The following XPO6 variants were observed in gnomAD, a reference collection of about 807,000 sequenced individuals.
XPO6 encodes exportin 6.
A neutral mutation model predicts 130.0 loss-of-function variants in XPO6; 3 were observed. The ratio of observed to expected loss-of-function variants is 0.02; its 90% CI spans 0.01 to 0.06. The LOEUF (loss-of-function observed/expected upper bound fraction) is 0.06. XPO6 is among the 10% of genes least tolerant of loss of function. The probability of loss-of-function intolerance (pLI) is 1.00; values close to 1 mark genes in which losing one functional copy is unlikely to be tolerated. For synonymous variants in XPO6, 524 were observed against 548.9 expected (o/e 0.95, Z 0.63); for missense variants, 970 against 1,393.0 (o/e 0.70, Z 4.83).
At chr16:28,198,361 G>A (rs2043901597) in intron 1 of XPO6, among the ~76,000 whole-genome samples, 1 of 151,816 alleles carries the variant, frequency 6.6e-6, no homozygotes, top group African/African-American at 2.4e-5. Context: ...ATATTCTAGA[G>A]TTCAAAATAC....
chr16:28,203,542 C>G (rs185950060), intron 1 of XPO6, among the ~76,000 whole-genome samples: 1 of 152,198 alleles, frequency 6.6e-6, no homozygotes, highest in African/African-American at 2.4e-5. Context: ...CACCTACCTA[C>G]AGAGATAGCC....
At chr16:28,102,583 C>A (rs2086676579) in intron 21 of XPO6, among the ~76,000 whole-genome samples, 1 of 151,992 alleles carries the variant, frequency 6.6e-6, no homozygotes, top group South Asian at 2.1e-4. Flanking sequence ...ACTAAAAATA[C>A]AAAAATTAGC....
chr16:28,165,762 A>C (rs1299373363), intron 6 of XPO6, among the ~76,000 whole-genome samples: 1 of 152,338 alleles, frequency 6.6e-6, no homozygotes, highest in South Asian at 2.1e-4. Flanking sequence ...AGAGGAAGCT[A>C]TATGTGTCAA....
chr16:28,146,305 T>C, intron 8 of XPO6, 102 bp from the exon 9 acceptor site: 4 of 939,280 alleles, frequency 4.3e-6, no homozygotes, highest in Non-Finnish European at 6.5e-6. Flanking sequence ...GATGAAATCA[T>C]AAGCCTAGAT....
rs928711754 is a variant in XPO6 at position 28,132,460 on chromosome 16, T to C, written c.1537-57A>G. 8.2e-7 allele frequency: 1 copy of C among 1,224,180 alleles called. No individual in the cohort carries two copies. Among genetic ancestry groups the C allele is most frequent in the African/African-American group, 1.5e-5 (1 of 65,474 alleles). 75.8% of individuals were successfully genotyped at this position (1,224,180 alleles called of 1,614,324 possible). A position where few individuals can be genotyped will look rare whatever the true frequency, so the allele number is the denominator to read the frequency against. Reference sequence around the variant, plus strand: ...TTTAAGCCATAAATGCAAGTTTTAATAGCATTTTAACATTACAACATTAAC... The same window carrying C: ...TTTAAGCCATAAATGCAAGTTTTAACAGCATTTTAACATTACAACATTAAC... On this transcript the variant is annotated intron_variant, in intron 11 of 23. Coordinates refer to ENST00000304658, the MANE Select transcript of XPO6 (RefSeq NM_015171.4). This position sits in a 1 kb window ranked among gnomAD's most constrained non-coding sequence, Gnocchi z 4.0.
chr16:28,139,618 T>G (rs538223222), intron 9 of XPO6, among the ~76,000 whole-genome samples: 2 of 152,150 alleles, frequency 1.3e-5, no homozygotes, highest in Non-Finnish European at 2.9e-5. Context: ...AAAACCTCAA[T>G]ATAAAGAAGA....
At chr16:28,146,490 G>A (rs1412505217) in intron 8 of XPO6, among the ~76,000 whole-genome samples, 1 of 152,176 alleles carries the variant, frequency 6.6e-6, no homozygotes, top group Non-Finnish European at 1.5e-5. Context: ...TCTGAGACTG[G>A]TAGAGAGGGC....
chr16:28,191,395 T>C (rs1284055525), intron 1 of XPO6, among the ~76,000 whole-genome samples: 3 of 152,226 alleles, frequency 2.0e-5, no homozygotes, highest in Non-Finnish European at 2.9e-5. Flanking sequence ...CTGCTTCCCT[T>C]TCCCAGGTAC....
At chr16:28,138,376 CTA>C (rs1162122451) in intron 9 of XPO6, among the ~76,000 whole-genome samples, 1 of 152,092 alleles carries the variant, frequency 6.6e-6, no homozygotes, top group Non-Finnish European at 1.5e-5. Context: ...TCTTGCTGTG[CTA>C]AAAGGAAATT....
At chr16:28,207,781 C>T (rs1326733068) in intron 1 of XPO6, among the ~76,000 whole-genome samples, 1 of 152,178 alleles carries the variant, frequency 6.6e-6, no homozygotes, top group Non-Finnish European at 1.5e-5. Context: ...CTGTCCATCT[C>T]CCGCTCTGGC....
intron 1 of XPO6, among the ~76,000 whole-genome samples, chr16:28,199,474 G>A (rs1480450349): frequency 3.3e-5 from 5 of 151,896 alleles, no homozygotes; most frequent in South Asian, 4.1e-4. Context: ...GACAGGTTTC[G>A]CCATGTTGGT....
At chr16:28,113,933 T>C (rs894761348) in intron 15 of XPO6, among the ~76,000 whole-genome samples, 9 of 152,176 alleles carry the variant, frequency 5.9e-5, no homozygotes, top group African/African-American at 2.2e-4. Flanking sequence ...CACATTGTTA[T>C]TAAAACAATA....
intron 10 of XPO6, 29 bp downstream of exon 10, chr16:28,135,187 C>CA (rs3214474): frequency 0.027 from 43,497 of 1,592,050 alleles, 3,682 homozygotes; most frequent in Admixed American, 0.19. Context: ...ATGACAGCGA[C>CA]AAAAAATCAA....
intron 13 of XPO6, among the ~76,000 whole-genome samples, chr16:28,125,026 A>G (rs2087357598): frequency 6.6e-6 from 1 of 152,196 alleles, no homozygotes; most frequent in South Asian, 2.1e-4. Context: ...GAGGGGAGAA[A>G]GGGAGGAGGG....
intron 14 of XPO6, among the ~76,000 whole-genome samples, chr16:28,119,358 C>G (rs916712091): frequency 2.6e-5 from 4 of 152,094 alleles, no homozygotes; most frequent in African/African-American, 9.7e-5. Flanking sequence ...TCAACAATTA[C>G]AGGGAAATTT....
intron 17 of XPO6, among the ~76,000 whole-genome samples, chr16:28,108,844 C>T (rs1044704889): frequency 6.6e-6 from 1 of 152,210 alleles, no homozygotes; most frequent in Non-Finnish European, 1.5e-5. Flanking sequence ...CCCTGCTGCC[C>T]CTCATCTGAA....
At chr16:28,104,140 G>A (rs538128900) in intron 21 of XPO6, among the ~76,000 whole-genome samples, 4 of 152,274 alleles carry the variant, frequency 2.6e-5, no homozygotes, top group African/African-American at 9.6e-5. Flanking sequence ...TCCCAGTATG[G>A]TCAGAGTCAG....
At chr16:28,169,543 A>C (rs1409385241) in intron 5 of XPO6, among the ~76,000 whole-genome samples, 1 of 152,218 alleles carries the variant, frequency 6.6e-6, no homozygotes, top group African/African-American at 2.4e-5. Flanking sequence ...ACTTCGTGAA[A>C]GACTACGAGG....
intron 13 of XPO6, 140 bp downstream of exon 13, chr16:28,125,549 C>T: frequency 2.0e-6 from 2 of 1,020,026 alleles, no homozygotes; most frequent in Non-Finnish European, 2.8e-6. Flanking sequence ...TAATTTGTTC[C>T]CTATCAGCTT....
Sources: gnomAD v4.1 joint callset for allele counts (sites outside exome capture counted in the v4.1 genomes callset) on GRCh38, gnomAD v4.1.1 for gene constraint, Gnocchi (gnomAD v3.1) non-coding constraint, MANE v1.5 for transcripts, NCBI Gene and HGNC (gene_info 2026-07-23, HGNC 2026-07-21) for gene names.